Variants in LRRC61 observed in about 807,000 individuals in gnomAD.
The protein encoded by LRRC61 is leucine rich repeat containing 61.
A neutral mutation model predicts 15.1 loss-of-function variants in LRRC61; 9 were observed. The observed-to-expected ratio is 0.60, with a 90% CI of 0.36 to 1.04. The LOEUF is 1.04. LRRC61 is among the 50% of genes least tolerant of loss of function. LRRC61 has a pLI of 0.01. For missense variants in LRRC61, 344 were observed against 335.6 expected, an observed-to-expected ratio of 1.03 and a Z score of -0.20; for synonymous variants, 173 against 158.6, an observed-to-expected ratio of 1.09 and a Z score of -0.68.
chr7:150,330,737 A>C lies in LRRC61; in HGVS notation c.-145+4727A>C. 6.2e-7 allele frequency: 1 copy of C among 1,604,244 alleles called. No homozygotes were observed. Among genetic ancestry groups the C allele is most frequent in the Non-Finnish European group, 8.5e-7 (1 of 1,170,996 alleles). ...TCGTGTACAAGGTGAAGGAGATTAG[A>C]GTGTCTGAATACTCTTTGAACTCCC... is the stretch of plus-strand genomic sequence containing the variant. On this transcript the variant is annotated intron_variant, in intron 2 of 2. Transcript: ENST00000359623. This position sits in a 1 kb window ranked among gnomAD's most constrained non-coding sequence, Gnocchi z 4.6.
chr7:150,314,828 T>G, the LRRC61 span, among the ~76,000 whole-genome samples: 1 of 148,878 alleles, frequency 6.7e-6, no homozygotes. Flanking sequence ...GGCACACACC[T>G]GTAGTCCCAG....
chr7:150,330,853 C>G lies in LRRC61; in HGVS notation c.-145+4843C>G. ...GTGGAGGGGAGAAGCCAGGGGGAGC[C>G]TCTGCAGAGCAGCAGCCACTCTGGG... On this transcript the variant is annotated intron_variant, in intron 2 of 2. Coordinates refer to ENST00000359623, the MANE Select transcript of LRRC61 (RefSeq NM_001142928.2). The surrounding 1 kb of genome is among the most constrained non-coding windows in gnomAD (Gnocchi z 4.6). The G allele has an allele frequency of 3.1e-6, 5 of 1,608,810 alleles. No homozygotes were observed. Among genetic ancestry groups the G allele is most frequent in the Non-Finnish European group, 4.2e-6 (5 of 1,176,804 alleles).
intron 2 of LRRC61, among the ~76,000 whole-genome samples, chr7:150,326,875 C>T (rs1049054477): frequency 1.3e-5 from 2 of 152,108 alleles, no homozygotes; most frequent in Non-Finnish European, 2.9e-5. Flanking sequence ...CTTTACCTAG[C>T]CCCTACACAA....
At chr7:150,314,849 G>A in the LRRC61 span, among the ~76,000 whole-genome samples, 1 of 149,572 alleles carries the variant, frequency 6.7e-6, no homozygotes, top group Non-Finnish European at 1.5e-5. Context: ...CTACTCACAA[G>A]GCGGAGGCGA....
upstream of LRRC61, among the ~76,000 whole-genome samples, chr7:150,318,279 G>A (rs543365472): frequency 1.2e-3 from 176 of 152,268 alleles, no homozygotes; most frequent in Non-Finnish European, 1.6e-3. Flanking sequence ...GGATTTCTGG[G>A]AGCACCACAA....
chr7:150,336,150 T>TA (rs1487969598), intron 2 of LRRC61, among the ~76,000 whole-genome samples: 39 of 152,218 alleles, frequency 2.6e-4, no homozygotes, highest in Admixed American at 2.5e-3. Context: ...GCCAACTTCT[T>TA]ATGCTCTACA....
At chr7:150,323,730 G>T (rs1223836728) in intron 1 of LRRC61, 170 bp downstream of exon 1, 1 of 454,792 alleles carries the variant, frequency 2.2e-6, no homozygotes, top group Admixed American at 2.4e-5. Context: ...CCTCTGTGCC[G>T]AGAACTGCCC....
At chr7:150,321,808 G>A (rs1797540375), upstream of LRRC61, among the ~76,000 whole-genome samples, 1 of 152,150 alleles carries the variant, frequency 6.6e-6, no homozygotes, top group African/African-American at 2.4e-5. Flanking sequence ...TCTTGGGCAG[G>A]GGTCCCAGCT....
chr7:150,326,281 A>G (rs1797961850), intron 2 of LRRC61, among the ~76,000 whole-genome samples: 1 of 152,232 alleles, frequency 6.6e-6, no homozygotes, highest in Non-Finnish European at 1.5e-5. Context: ...TAAATGATTG[A>G]GTGAATCAAG....
At chr7:150,313,549 G>A in the LRRC61 span, among the ~76,000 whole-genome samples, 9 of 152,304 alleles carry the variant, frequency 5.9e-5, 1 homozygote, top group East Asian at 1.7e-3. Flanking sequence ...CTGTGTGGAT[G>A]TTAATTCCGG....
upstream of LRRC61, among the ~76,000 whole-genome samples, chr7:150,321,247 A>AT (rs917580201): frequency 4.6e-5 from 7 of 152,122 alleles, no homozygotes; most frequent in Non-Finnish European, 8.8e-5. Context: ...GTTAAGCCTG[A>AT]TTTTTTTGCC....
In LRRC61 at chr7:150,330,608, C is replaced by T. The variant is rs185618761; in HGVS notation, c.-145+4598C>T. ...GTCAGCTCAACAAGCTCTTCTACCG[C>T]GAGGAGTTTGTGCTGGCCACCTTGC... On this transcript the variant is annotated intron_variant, in intron 2 of 2. Transcript: ENST00000359623. The surrounding 1 kb of genome is among the most constrained non-coding windows in gnomAD (Gnocchi z 4.6). 102 of 825,568 alleles carry T rather than the reference C, an allele frequency of 1.2e-4. No individual in the cohort carries two copies. The highest frequency in any genetic ancestry group is 9.7e-4 in the East Asian group (40 of 41,424). 51.1% of individuals were successfully genotyped at this position (825,568 alleles called of 1,614,324 possible). A position where few individuals can be genotyped will look rare whatever the true frequency, so the allele number is the denominator to read the frequency against.
chr7:150,324,030 T>C (rs1457634841), intron 1 of LRRC61, among the ~76,000 whole-genome samples: 1 of 152,246 alleles, frequency 6.6e-6, no homozygotes, highest in Non-Finnish European at 1.5e-5. Context: ...AACATCTTGC[T>C]TAGACTTTAT....
At chr7:150,334,502 C>T (rs569232961) in intron 2 of LRRC61, among the ~76,000 whole-genome samples, 22 of 152,264 alleles carry the variant, frequency 1.4e-4, no homozygotes, top group Admixed American at 2.0e-4. Context: ...GAGAGGCCTG[C>T]GAGTTCTTAG....
Position 150,337,352 on chromosome 7 carries a change from G to C in LRRC61, c.491G>C (p.Arg164Pro). Reference sequence around the variant, plus strand: ...GGCCTGAAAGTCATCGACGGTGAGCGTGTGATTGGGCGTGGTAGTGAGTTC... The same window carrying C: ...GGCCTGAAAGTCATCGACGGTGAGCCTGTGATTGGGCGTGGTAGTGAGTTC... Reference protein sequence around the residue: ...LPGLKVIDGERVIGRGSEFYQ... With the variant: ...LPGLKVIDGEPVIGRGSEFYQ... The change falls in exon 3 of 3, where the codon CGT (arginine) becomes CCT (proline). Residue 164 changes from arginine (R) to proline (P), a missense_variant. Physicochemically the swap from Arg to Pro is moderately radical, Grantham distance 103 (BLOSUM62 -2). Transcript: ENST00000359623. The C allele has an allele frequency of 6.2e-7, 1 of 1,604,768 alleles. No homozygotes were observed.
rs75555338 is a variant in LRRC61 at position 150,330,713 on chromosome 7, C to T, written c.-145+4703C>T. 19,826 of 1,565,082 alleles carry T rather than the reference C, an allele frequency of 0.013. 158 individuals carry two copies. The highest frequency in any genetic ancestry group is 0.016 in the Non-Finnish European group (17,844 of 1,135,164). On this transcript the variant is annotated intron_variant, in intron 2 of 2. Coordinates refer to ENST00000359623, the MANE Select transcript of LRRC61 (RefSeq NM_001142928.2). This position sits in a 1 kb window ranked among gnomAD's most constrained non-coding sequence, Gnocchi z 4.6. ...ACATTGACCACTGGAAGCAAGTCCT[C>T]GTGTACAAGGTGAAGGAGATTAGAG...
the LRRC61 span, among the ~76,000 whole-genome samples, chr7:150,313,966 G>T: frequency 5.9e-5 from 9 of 152,204 alleles, no homozygotes; most frequent in Non-Finnish European, 1.3e-4. Flanking sequence ...TGGCAGAAAT[G>T]AACAACTCGA....
At chr7:150,327,063 G>A (rs931273815) in intron 2 of LRRC61, among the ~76,000 whole-genome samples, 1 of 152,078 alleles carries the variant, frequency 6.6e-6, no homozygotes, top group Admixed American at 6.5e-5. Flanking sequence ...CCTGTTATAG[G>A]CAGCCCTGCC....
At chr7:150,320,970 C>G (rs1357815911), upstream of LRRC61, among the ~76,000 whole-genome samples, 2 of 152,200 alleles carry the variant, frequency 1.3e-5, no homozygotes, top group Non-Finnish European at 2.9e-5. Flanking sequence ...AGAACTCACT[C>G]TTTGACTAAA....
Sources: allele counts gnomAD v4.1 joint callset (sites outside exome capture counted in the v4.1 genomes callset), GRCh38; gene constraint gnomAD v4.1.1; non-coding constraint Gnocchi (gnomAD v3.1); transcripts MANE v1.5; gene names NCBI Gene and HGNC (gene_info 2026-07-23, HGNC 2026-07-21).